Variants in SULF2 observed in about 807,000 individuals in gnomAD.
SULF2 encodes extracellular sulfatase Sulf-2.
SULF2 carries 52 observed loss-of-function variants against 107.7 expected under a neutral mutation model. The observed-to-expected ratio is 0.48, with a 90% CI of 0.39 to 0.61. The LOEUF (loss-of-function observed/expected upper bound fraction) is 0.61, where lower values mean the gene tolerates loss of function less well. Ranked by LOEUF, SULF2 falls within the 20% of genes least tolerant of loss-of-function variation. The pLI, the probability that SULF2 is intolerant of heterozygous loss-of-function variation, is 0.00. For synonymous variants in SULF2, 460 were observed against 464.3 expected (o/e 0.99, Z 0.12); for missense variants, 993 against 1,177.3 (o/e 0.84, Z 2.29).
intron 3 of SULF2, among the ~76,000 whole-genome samples, chr20:47,724,923 A>T (rs2089398133): frequency 6.6e-6 from 1 of 152,224 alleles, no homozygotes; most frequent in Non-Finnish European, 1.5e-5. Flanking sequence ...AGGTAACAAA[A>T]GCTACCTATG....
At chr20:47,751,902 C>T (rs2090165642) in intron 2 of SULF2, among the ~76,000 whole-genome samples, 1 of 152,166 alleles carries the variant, frequency 6.6e-6, no homozygotes. Context: ...GATGGTGCAA[C>T]TCTGTTCATC....
At chr20:47,659,359 A>G (rs1473792640) in intron 20 of SULF2, 40 bp downstream of exon 20, 1 of 1,591,600 alleles carries the variant, frequency 6.3e-7, no homozygotes, top group Non-Finnish European at 8.6e-7. Flanking sequence ...TGAAGCGGTC[A>G]GAACCAGATT....
chr20:47,741,947 C>T (rs1047186437), intron 2 of SULF2, among the ~76,000 whole-genome samples: 1 of 152,210 alleles, frequency 6.6e-6, no homozygotes, highest in Non-Finnish European at 1.5e-5. Flanking sequence ...TCTCGAAATG[C>T]TTAGATCTCC....
At chr20:47,730,808 C>T (rs988293793) in intron 3 of SULF2, among the ~76,000 whole-genome samples, 3 of 152,040 alleles carry the variant, frequency 2.0e-5, no homozygotes, top group South Asian at 2.1e-4. Flanking sequence ...AAATTGTGAT[C>T]GGCACTCCAG....
chr20:47,747,193 A>G (rs2090064850), intron 2 of SULF2, among the ~76,000 whole-genome samples: 1 of 152,006 alleles, frequency 6.6e-6, no homozygotes, highest in Non-Finnish European at 1.5e-5. Flanking sequence ...GCAAAGGTGA[A>G]CCATTCCTGA....
In SULF2 at chr20:47,660,428, C is replaced by T. The variant is rs371409200; in HGVS notation, c.2495-698G>A. Among the ~76,000 whole-genome samples the T allele has an allele frequency of 9.2e-5, 14 of 152,248 alleles. No individual in the cohort carries two copies. In the East Asian group the frequency reaches 1.5e-3, roughly 17 times the overall value. The stretch of plus-strand genomic sequence containing the variant: ...CTTCCCTCTTCATAACTAGAGCCGA[C>T]GGTAGCGTCTGAATTCCTCCTAAGC... On this transcript the variant is annotated intron_variant, in intron 18 of 20. Transcript: ENST00000688720.
chr20:47,749,631 A>G (rs2090119534), intron 2 of SULF2, among the ~76,000 whole-genome samples: 1 of 152,232 alleles, frequency 6.6e-6, no homozygotes, highest in Admixed American at 6.5e-5. Flanking sequence ...GATCTCCTGG[A>G]TATCAGGCTG....
In SULF2 at chr20:47,684,487, T is replaced by C. The variant is rs757125913; in HGVS notation, c.832A>G (p.Met278Val). 6 of 1,613,826 alleles carry C rather than the reference T, an allele frequency of 3.7e-6. No homozygotes were observed. The highest frequency in any genetic ancestry group is 5.1e-6 in the Non-Finnish European group (6 of 1,179,922). The change falls in exon 6 of 21, where the codon ATG (methionine) becomes GTG (valine). Residue 278 changes from methionine to valine, a missense_variant. Physicochemically the swap from Met to Val is conservative, Grantham distance 21 (BLOSUM62 1). This residue lies in a region of SULF2 where 388 missense variants were observed against 449.2 expected (regional missense o/e 0.86). Transcript: ENST00000688720. ...MKPIHMEFTN[M>V]LQRKRLQTLM... The stretch of plus-strand genomic sequence containing the variant: ...GTCTGCAAGCGCTTCCGCTGGAGCA[T>C]GTTGGTGAATTCCATGTGGATGGGC...
rs2087354142 is a variant in SULF2 at position 47,668,582 on chromosome 20, CAT to C, written c.1577-2096_1577-2095del. The stretch of plus-strand genomic sequence containing the variant: ...TGGCTCAGGTGCAAACCCCTGAGCA[CAT>C]GTGTGGCCCCGGCGATTTGGGTAAC... On this transcript the variant is annotated intron_variant, in intron 11 of 20. Coordinates refer to ENST00000688720, the MANE Select transcript of SULF2 (RefSeq NM_001387048.1). 2.0e-5 allele frequency among the ~76,000 whole-genome samples: 3 copies of C among 152,348 alleles called. 1 individual carries two copies. In the South Asian group the frequency reaches 6.2e-4, roughly 32 times the overall value.
At chr20:47,762,974 A>AT (rs1799845777) in intron 1 of SULF2, among the ~76,000 whole-genome samples, 1 of 152,222 alleles carries the variant, frequency 6.6e-6, no homozygotes, top group African/African-American at 2.4e-5. Flanking sequence ...TCGTGGCCTC[A>AT]TGCCAGTTTC....
intron 1 of SULF2, among the ~76,000 whole-genome samples, chr20:47,762,999 A>G (rs1318645973): frequency 6.6e-6 from 1 of 152,206 alleles, no homozygotes; most frequent in African/African-American, 2.4e-5. Flanking sequence ...CGGATGCTGA[A>G]GAAATCAATT....
intron 10 of SULF2, among the ~76,000 whole-genome samples, chr20:47,674,180 C>T (rs778369996): frequency 2.6e-5 from 4 of 152,250 alleles, no homozygotes; most frequent in Non-Finnish European, 4.4e-5. Context: ...TGATCTTGTG[C>T]GGAAAGGGTT....
rs759003278 is a variant in SULF2 at position 47,665,900 on chromosome 20, G to A, written c.1859C>T (p.Ser620Phe). 14 of 1,614,088 alleles carry A rather than the reference G, an allele frequency of 8.7e-6. No homozygotes were observed. Among genetic ancestry groups the A allele is most frequent in the Non-Finnish European group, 1.2e-5 (14 of 1,180,026 alleles). The change falls in exon 13 of 21, where the codon TCC becomes TTC. Residue 620 changes from serine (S) to phenylalanine (F), a missense_variant. Transcript: ENST00000688720. ...CTTGTGGTCTTTCCAGGCCTGCAGGGACTTGTACAGGTCCAGGTCACACTG... is the reference window on the plus strand; with the variant it reads ...CTTGTGGTCTTTCCAGGCCTGCAGGAACTTGTACAGGTCCAGGTCACACTG... ...TVQCDLDLYK[S>F]LQAWKDHKLH...
chr20:47,671,429 C>T (rs534138168), intron 11 of SULF2, among the ~76,000 whole-genome samples: 15 of 152,282 alleles, frequency 9.9e-5, no homozygotes, highest in African/African-American at 3.6e-4. Flanking sequence ...CCACACCACA[C>T]GCCCAACTAA....
At chr20:47,712,243 G>T (rs6063139) in intron 3 of SULF2, among the ~76,000 whole-genome samples, 51,071 of 152,086 alleles carry the variant, frequency 0.34, 8,951 homozygotes, top group South Asian at 0.36. Context: ...TCCCTTCAGG[G>T]ACGCACTGCT....
At chr20:47,730,879 G>A (rs965337437) in intron 3 of SULF2, among the ~76,000 whole-genome samples, 3 of 152,130 alleles carry the variant, frequency 2.0e-5, no homozygotes, top group Non-Finnish European at 4.4e-5. Flanking sequence ...CAAGTGCTGG[G>A]GAAAAAGGGA....
intron 2 of SULF2, among the ~76,000 whole-genome samples, chr20:47,747,265 G>A (rs573146876): frequency 1.3e-5 from 2 of 152,140 alleles, no homozygotes; most frequent in Non-Finnish European, 2.9e-5. Flanking sequence ...AAAAGCCAAG[G>A]CTCCAAATCG....
At chr20:47,760,178 T>C (rs1044475124) in intron 1 of SULF2, among the ~76,000 whole-genome samples, 17 of 152,046 alleles carry the variant, frequency 1.1e-4, no homozygotes, top group African/African-American at 4.1e-4. Flanking sequence ...AGCGCTATGG[T>C]TGAAAAACCC....
In SULF2 at chr20:47,677,489, G is replaced by A. The variant is rs77270010; in HGVS notation, c.1194-355C>T. ...CCCAGCAACTCCCCCGGCACTAGAC[G>A]AGCTCTATCTCGAGTTCAGCGTCAG... On this transcript the variant is annotated intron_variant, in intron 8 of 20. Coordinates refer to ENST00000688720, the MANE Select transcript of SULF2 (RefSeq NM_001387048.1). Among the ~76,000 whole-genome samples, 774 of 152,118 alleles carry A rather than the reference G, an allele frequency of 5.1e-3. 4 individuals are homozygous for A. The highest frequency in any genetic ancestry group is 0.018 in the South Asian group (86 of 4,812).
Sources: allele counts gnomAD v4.1 joint callset (sites outside exome capture counted in the v4.1 genomes callset), GRCh38; gene constraint gnomAD v4.1.1; regional missense constraint gnomAD v4.1.1; transcripts MANE v1.5; gene names NCBI Gene and HGNC (gene_info 2026-07-23, HGNC 2026-07-21).